Variants in CZIB observed in about 807,000 individuals in gnomAD.
CZIB encodes UPF0587 protein C1orf123.
Under a neutral mutation model 28.3 loss-of-function variants are expected in CZIB, and 26 were observed. That is an observed-to-expected ratio of 0.92 (90% CI 0.67 to 1.27). The LOEUF (loss-of-function observed/expected upper bound fraction) is 1.27, where lower values mean the gene tolerates loss of function less well. CZIB is among the 50% of genes most tolerant of loss of function. The pLI is 0.00. For synonymous variants in CZIB, 78 were observed against 71.1 expected, an observed-to-expected ratio of 1.10 and a Z score of -0.49; for missense variants, 179 against 197.3, an observed-to-expected ratio of 0.91 and a Z score of 0.56.
intron 6 of CZIB, 144 bp downstream of exon 6, chr1:53,216,638 C>T: frequency 4.2e-6 from 3 of 715,272 alleles, no homozygotes; most frequent in South Asian, 1.7e-5. Context: ...CCCAAGCATA[C>T]AGCAGCCACT....
At chr1:53,217,968 C>T in intron 5 of CZIB, 1 of 608,196 alleles carries the variant, frequency 1.6e-6, no homozygotes. Flanking sequence ...CACAGCCCAG[C>T]CCTCATAAGA....
In CZIB at chr1:53,220,257, G is replaced by T; in HGVS notation, c.90+4C>A. On this transcript the variant is annotated splice_donor_region_variant and intron_variant, in intron 2 of 7. Coordinates refer to ENST00000294360, the MANE Select transcript of CZIB (RefSeq NM_017887.3). ...CCTCTCCCCGGGCCCCGCCCCGGCC[G>T]CACCTTCAGGTACCACCGGAAGTCC... The T allele has an allele frequency of 6.2e-7, 1 of 1,612,262 alleles. No individual in the cohort carries two copies.
Position 53,216,072 on chromosome 1 carries a change from A to T in CZIB, c.340-16T>A. 1 of 1,613,820 alleles carries T rather than the reference A, an allele frequency of 6.2e-7. No individual in the cohort carries two copies. The highest frequency in any genetic ancestry group is 8.5e-7 in the Non-Finnish European group (1 of 1,179,764). On this transcript the variant is annotated splice_polypyrimidine_tract_variant and intron_variant, in intron 6 of 7. Transcript: ENST00000294360. ...CAAACCCAGCCTGCAGGGCACAAGA[A>T]GGTACCAGTTAGTCTTGGCAAAAGA...
intron 7 of CZIB, among the ~76,000 whole-genome samples, chr1:53,215,077 T>C (rs1254194710): frequency 2.0e-5 from 3 of 152,224 alleles, no homozygotes; most frequent in Non-Finnish European, 4.4e-5. Flanking sequence ...TGGTGGCTCA[T>C]GCCTGTAATC....
chr1:53,218,664 T>C, intron 3 of CZIB, 169 bp from the exon 4 acceptor site: 1 of 814,956 alleles, frequency 1.2e-6, no homozygotes. Context: ...AAAAAGGGCT[T>C]CCCCTTGATT....
chr1:53,214,867 G>C (rs910082540), intron 7 of CZIB, 131 bp from the exon 8 acceptor site: 6 of 644,904 alleles, frequency 9.3e-6, no homozygotes, highest in Non-Finnish European at 1.3e-5. Flanking sequence ...ACCCTGAACA[G>C]AGCCAGATAG....
At chr1:53,218,337 CAT>C in intron 4 of CZIB, 75 bp downstream of exon 4, 1 of 1,588,002 alleles carries the variant, frequency 6.3e-7, no homozygotes, top group Admixed American at 1.7e-5. Flanking sequence ...CCTCAGGTAA[CAT>C]GAGTCTACTT....
chr1:53,218,151 C>A (rs1162906375), intron 5 of CZIB, 21 bp downstream of exon 5: 1 of 1,613,268 alleles, frequency 6.2e-7, no homozygotes, highest in Non-Finnish European at 8.5e-7. Context: ...ACCATCCCTG[C>A]CACTACAGCA....
chr1:53,214,490 C>G lies in CZIB; in HGVS notation c.*169G>C. ...TGCACCAGTGCAGCGTGAACAGGGG[C>G]TTTATTGATGGGGCTTGGGAAGCTG... is the stretch of plus-strand genomic sequence containing the variant. On this transcript the variant is annotated 3_prime_UTR_variant, in exon 8 of 8. Coordinates refer to ENST00000294360, the MANE Select transcript of CZIB (RefSeq NM_017887.3). The G allele has an allele frequency of 3.3e-6, 2 of 599,158 alleles. No individual in the cohort carries two copies. The highest frequency in any genetic ancestry group is 5.9e-6 in the Non-Finnish European group (2 of 337,162). The allele number at this position is 599,158 out of a possible 1,614,324, so 37.1% of individuals were successfully genotyped here.
chr1:53,215,849 C>A (rs914954547), intron 7 of CZIB, 142 bp downstream of exon 7: 14 of 777,376 alleles, frequency 1.8e-5, no homozygotes, highest in Non-Finnish European at 2.9e-5. Flanking sequence ...TAGCACTATA[C>A]CTGTGGCCAT....
At position 53,218,429 on chromosome 1, in the gene CZIB, T is replaced by C. The variant is rs1398088002; in HGVS notation, c.214A>G (p.Arg72Gly). The stretch of plus-strand genomic sequence containing the variant: ...CCTGACCTACCGATGGAATTTTCTC[T>C]TGCACACAGCTTGCACTTCTGGACC... Reference protein sequence around the residue: ...SMVQKCKLCARENSIEILSST... With the variant: ...SMVQKCKLCAGENSIEILSST... The change falls in exon 4 of 8, where the codon AGA (arginine) becomes GGA (glycine). Residue 72 changes from arginine to glycine, a missense_variant. By Grantham distance (125) the Arg-to-Gly change is moderately radical. Transcript: ENST00000294360. 3.1e-6 allele frequency: 5 copies of C among 1,614,120 alleles called. No individual in the cohort carries two copies. The highest frequency in any genetic ancestry group is 1.1e-5 in the South Asian group (1 of 91,090).
Position 53,220,569 on chromosome 1 carries a change from C to A in CZIB, c.6+1G>T, listed in dbSNP as rs753626794. On this transcript the variant is annotated splice_donor_variant, in intron 1 of 7. Coordinates refer to ENST00000294360, the MANE Select transcript of CZIB (RefSeq NM_017887.3). LOFTEE classifies it high-confidence loss of function. ...CCCCGCGGCGGGCGGCCTCCCCTCA[C>A]CCCCATGGTAGCCCTCTCCGCCCGG... 1 of 1,598,978 alleles carries A rather than the reference C, an allele frequency of 6.3e-7. No homozygotes were observed. Among genetic ancestry groups the A allele is most frequent in the Non-Finnish European group, 8.5e-7 (1 of 1,179,552 alleles).
upstream of CZIB, chr1:53,220,634 TA>T (rs769209702): frequency 3.7e-3 from 5,933 of 1,585,652 alleles, 24 homozygotes; most frequent in Non-Finnish European, 4.3e-3. Context: ...CGGCGCGTCG[TA>T]AAAGGCGGGT....
rs1645452708 is a variant in CZIB, at chr1:53,214,267, A to C, written c.*392T>G. 5.6e-6 allele frequency: 1 copy of C among 179,856 alleles called. No homozygotes were observed. The highest frequency in any genetic ancestry group is 2.4e-5 in the African/African-American group (1 of 42,384). 11.1% of individuals were successfully genotyped at this position (179,856 alleles called of 1,614,324 possible). ...GATCTTTCCAACAGCAAGTTCAGTA[A>C]GTTCAGGTAACAGTACGTCACCATT... On this transcript the variant is annotated 3_prime_UTR_variant, in exon 8 of 8. Coordinates refer to ENST00000294360, the MANE Select transcript of CZIB (RefSeq NM_017887.3).
At chr1:53,219,129 C>T in intron 2 of CZIB, 1 of 591,464 alleles carries the variant, frequency 1.7e-6, no homozygotes, top group Non-Finnish European at 3.0e-6. Context: ...TGCCGGCGTG[C>T]CCACCCTCCT....
rs763573041 is a variant in CZIB at position 53,220,318 on chromosome 1, C to A, written c.33G>T (p.Thr11=). MGKIALQLKA[T]LENITNLRPV... ...GCCGGAGGTTGGTGATGTTCTCCAG[C>A]GTGGCTTTGAGTTGCAGCGCGATTT... Residue 11 remains threonine (T), a synonymous_variant, in exon 2 of 8, where the codon ACG becomes ACT. Transcript: ENST00000294360. The A allele has an allele frequency of 4.3e-6, 7 of 1,613,414 alleles. No individual in the cohort carries two copies. Among genetic ancestry groups the A allele is most frequent in the African/African-American group, 2.7e-5 (2 of 74,938 alleles).
intron 5 of CZIB, chr1:53,217,828 G>A: frequency 3.3e-6 from 1 of 300,102 alleles, no homozygotes; most frequent in Non-Finnish European, 6.3e-6. Flanking sequence ...TAAAGGATGG[G>A]ATGCACCAAA....
At chr1:53,219,313 A>G (rs1645502870) in intron 2 of CZIB, 2 of 233,706 alleles carry the variant, frequency 8.6e-6, no homozygotes, top group South Asian at 6.5e-5. Context: ...ATAGCTGACA[A>G]TAATATATAG....
chr1:53,219,110 T>G (rs1645495132), intron 2 of CZIB, 187 bp from the exon 3 acceptor site: 3 of 613,952 alleles, frequency 4.9e-6, no homozygotes, highest in South Asian at 3.8e-5. Context: ...TAGGTAAGGC[T>G]GTTTCCTATG....
Sources: allele counts gnomAD v4.1 joint callset (sites outside exome capture counted in the v4.1 genomes callset), GRCh38; gene constraint gnomAD v4.1.1; transcripts MANE v1.5; gene names NCBI Gene and HGNC (gene_info 2026-07-23, HGNC 2026-07-21).